The following CHODL variants were observed in gnomAD, a reference collection of about 807,000 sequenced individuals.
CHODL encodes chondrolectin.
Under a neutral mutation model 34.5 loss-of-function variants are expected in CHODL, and 29 were observed. The observed-to-expected ratio is 0.84, with a 90% CI of 0.63 to 1.15. The LOEUF is 1.15. Ranked by LOEUF, CHODL falls within the 50% of genes most tolerant of loss-of-function variation. The pLI, the probability that CHODL is intolerant of heterozygous loss-of-function variation, is 0.00. For missense variants in CHODL, 332 were observed against 332.5 expected, an observed-to-expected ratio of 1.00 and a Z score of 0.01; for synonymous variants, 125 against 116.1, an observed-to-expected ratio of 1.08 and a Z score of -0.49.
At chr21:18,031,342 CTTAG>C (rs1361072421) in intron 2 of CHODL, among the ~76,000 whole-genome samples, 1 of 152,012 alleles carries the variant, frequency 6.6e-6, no homozygotes, top group Non-Finnish European at 1.5e-5. Context: ...TAATTGTTTA[CTTAG>C]TTAGCTGATT....
chr21:18,168,041 T>G, intron 2 of CHODL, among the ~76,000 whole-genome samples: 1 of 152,178 alleles, frequency 6.6e-6, no homozygotes, highest in Admixed American at 6.5e-5. Context: ...TCTCCTGTGA[T>G]GAATTCTTCC....
intron 2 of CHODL, among the ~76,000 whole-genome samples, chr21:18,149,376 T>C (rs1439004520): frequency 6.6e-6 from 1 of 152,212 alleles, no homozygotes; most frequent in Non-Finnish European, 1.5e-5. Flanking sequence ...ATTGCTCTTG[T>C]AGCACTGGTA....
At chr21:18,006,894 A>C (rs2063965935) in intron 1 of CHODL, among the ~76,000 whole-genome samples, 1 of 152,224 alleles carries the variant, frequency 6.6e-6, no homozygotes, top group Admixed American at 6.5e-5. Flanking sequence ...TCAGTCTGAC[A>C]CTTCAGATGT....
Position 18,206,657 on chromosome 21 carries a change from A to G in CHODL, c.-44-49852A>G, listed in dbSNP as rs73316249. On this transcript the variant is annotated intron_variant, in intron 2 of 6. Coordinates refer to the CHODL transcript ENST00000400127. ...ATCTAGTCCATTTACATTCATTGTT[A>G]TTATTGATAAGTGAGAACTTACTCC... Among the ~76,000 whole-genome samples the G allele has an allele frequency of 4.3e-3, 652 of 150,878 alleles. 1 individual carries two copies. The highest frequency in any genetic ancestry group is 0.015 in the African/African-American group (621 of 41,104).
At chr21:18,190,733 G>T (rs1055934869) in intron 2 of CHODL, among the ~76,000 whole-genome samples, 19 of 152,170 alleles carry the variant, frequency 1.2e-4, no homozygotes, top group Middle Eastern at 3.2e-3. Flanking sequence ...AGGCTGAAGA[G>T]ATTTTGTATA....
At chr21:18,071,859 G>A (rs1226580667) in intron 2 of CHODL, among the ~76,000 whole-genome samples, 6 of 151,796 alleles carry the variant, frequency 4.0e-5, no homozygotes, top group South Asian at 2.1e-4. Flanking sequence ...TATCACAACC[G>A]TCTTCAAATA....
At chr21:18,081,522 AG>A (rs2064941125) in intron 2 of CHODL, among the ~76,000 whole-genome samples, 1 of 152,028 alleles carries the variant, frequency 6.6e-6, no homozygotes, top group Non-Finnish European at 1.5e-5. Context: ...CTCAACTAAA[AG>A]TACAAAAATT....
At chr21:18,219,778 A>ATT (rs779366554) in intron 2 of CHODL, among the ~76,000 whole-genome samples, 13 of 144,162 alleles carry the variant, frequency 9.0e-5, no homozygotes, top group African/African-American at 1.3e-4. Context: ...GGTTAGTTGT[A>ATT]TTTTTTTTTT....
At chr21:18,251,496 A>ATTTT (rs1437780500) in intron 1 of CHODL, among the ~76,000 whole-genome samples, 10 of 132,854 alleles carry the variant, frequency 7.5e-5, no homozygotes, top group South Asian at 4.5e-4. Context: ...TATATAAAAT[A>ATTTT]AATATTTATT....
At chr21:18,061,653 T>C (rs1003469946) in intron 2 of CHODL, among the ~76,000 whole-genome samples, 3 of 152,128 alleles carry the variant, frequency 2.0e-5, no homozygotes, top group Non-Finnish European at 4.4e-5. Flanking sequence ...CTTGTCAACA[T>C]GGATGGGAGG....
chr21:18,108,837 T>TTTG (rs375270874), intron 2 of CHODL, among the ~76,000 whole-genome samples: 7 of 146,158 alleles, frequency 4.8e-5, no homozygotes, highest in African/African-American at 1.8e-4. Context: ...CTTTGCAATG[T>TTTG]TGTGTGTGTG....
At chr21:18,230,765 A>C (rs931228404) in intron 2 of CHODL, among the ~76,000 whole-genome samples, 1 of 152,124 alleles carries the variant, frequency 6.6e-6, no homozygotes, top group Non-Finnish European at 1.5e-5. Context: ...CAAAAGGTAA[A>C]ATGTATGACT....
intron 2 of CHODL, among the ~76,000 whole-genome samples, chr21:18,136,957 A>C (rs529925193): frequency 1.6e-4 from 25 of 152,054 alleles, no homozygotes; most frequent in African/African-American, 5.8e-4. Flanking sequence ...TGCTCATCTC[A>C]TTTCACATTT....
At chr21:18,072,089 TA>T (rs1385723941) in intron 2 of CHODL, among the ~76,000 whole-genome samples, 4 of 152,070 alleles carry the variant, frequency 2.6e-5, no homozygotes, top group Non-Finnish European at 5.9e-5. Flanking sequence ...ATAGTAAATG[TA>T]AAAAATATAT....
chr21:17,948,333 G>A (rs2063429091), intron 1 of CHODL, among the ~76,000 whole-genome samples: 2 of 151,712 alleles, frequency 1.3e-5, no homozygotes, highest in South Asian at 2.1e-4. Flanking sequence ...AAAAGTTTAT[G>A]TTAAAAGAAG....
chr21:17,931,334 A>AGCTT (rs1304023475), intron 1 of CHODL, among the ~76,000 whole-genome samples: 1 of 152,232 alleles, frequency 6.6e-6, no homozygotes, highest in Non-Finnish European at 1.5e-5. Flanking sequence ...GAAGTACACA[A>AGCTT]GGCTAAAGAA....
At chr21:17,970,174 A>C (rs933694884) in intron 1 of CHODL, among the ~76,000 whole-genome samples, 5 of 148,598 alleles carry the variant, frequency 3.4e-5, no homozygotes, top group Non-Finnish European at 7.4e-5. Flanking sequence ...GACTTCCTGA[A>C]GAATATAGTG....
intron 2 of CHODL, among the ~76,000 whole-genome samples, chr21:18,089,185 T>A (rs158036): frequency 2.0e-5 from 3 of 152,124 alleles, no homozygotes; most frequent in Non-Finnish European, 2.9e-5. Context: ...AGCTAGTAAA[T>A]AATTTGATGC....
chr21:18,213,301 G>A (rs1200026807), intron 2 of CHODL, among the ~76,000 whole-genome samples: 1 of 152,010 alleles, frequency 6.6e-6, no homozygotes, highest in African/African-American at 2.4e-5. Flanking sequence ...AAGTTAAAAT[G>A]CCTACATTTT....
Sources: allele counts gnomAD v4.1 joint callset (sites outside exome capture counted in the v4.1 genomes callset), GRCh38; gene constraint gnomAD v4.1.1; transcripts MANE v1.5; gene names NCBI Gene and HGNC (gene_info 2026-07-23, HGNC 2026-07-21).